The following ZNF536 variants were observed in gnomAD, a reference collection of about 807,000 sequenced individuals.
The protein encoded by ZNF536 is zinc finger protein 536.
In ZNF536, 13 loss-of-function variants were observed where a neutral mutation model predicts 84.5. The observed-to-expected ratio is 0.15, with a 90% CI of 0.10 to 0.24. ZNF536 has a LOEUF of 0.24. ZNF536 is among the 10% of genes least tolerant of loss of function. The pLI, the probability that ZNF536 is intolerant of heterozygous loss-of-function variation, is 1.00. For synonymous variants in ZNF536, 811 were observed against 742.5 expected (o/e 1.09, Z -1.50); for missense variants, 1,536 against 1,747.5 (o/e 0.88, Z 2.16).
At chr19:30,504,038 A>G (rs1386506882) in intron 2 of ZNF536, among the ~76,000 whole-genome samples, 1 of 152,144 alleles carries the variant, frequency 6.6e-6, no homozygotes, top group Non-Finnish European at 1.5e-5. Context: ...TATCCTTAGC[A>G]TAGAGAATTT....
At position 30,629,536 on chromosome 19, in the gene ZNF536, T is replaced by C. The variant is rs560078965; in HGVS notation, c.169+80022T>C. ...AAATTCTTGCAACGGTGCAACGAAGTGGACGTCCTTATTATCTCTTTTGTA... is the reference window on the plus strand; with the variant it reads ...AAATTCTTGCAACGGTGCAACGAAGCGGACGTCCTTATTATCTCTTTTGTA... On this transcript the variant is annotated intron_variant, in intron 1 of 1. Coordinates refer to the ZNF536 transcript ENST00000592773. Among the ~76,000 whole-genome samples the C allele has an allele frequency of 7.9e-4, 120 of 152,344 alleles. No homozygotes were observed. The Middle Eastern group carries it at 0.01, about 13-fold the overall frequency.
At position 30,297,067 on chromosome 19, in the gene ZNF536, G is replaced by A. The variant is rs541461111; in HGVS notation, c.-120+12926G>A. ...GAAGACCCTTCCAGTGGCCAGAACG[G>A]TGCTGCTTCCCCTGTACCTAAAACA... On this transcript the variant is annotated intron_variant, in intron 2 of 5. Transcript: ENST00000585628. Among the ~76,000 whole-genome samples, 3 of 152,314 alleles carry A rather than the reference G, an allele frequency of 2.0e-5. No individual in the cohort carries two copies. The East Asian group carries it at 5.8e-4, about 29-fold the overall frequency.
intron 2 of ZNF536, among the ~76,000 whole-genome samples, chr19:30,323,045 C>A (rs1001404505): frequency 6.6e-6 from 1 of 152,284 alleles, no homozygotes; most frequent in East Asian, 1.9e-4. Flanking sequence ...GACCCTGGGG[C>A]CCTGGAGGCT....
chr19:30,233,744 G>T (rs1357295456), intron 1 of ZNF536, among the ~76,000 whole-genome samples: 2 of 152,196 alleles, frequency 1.3e-5, no homozygotes. Context: ...AATTCAGGAA[G>T]GAAAACTGAG....
intron 1 of ZNF536, among the ~76,000 whole-genome samples, chr19:30,669,136 G>A (rs2060960876): frequency 6.6e-6 from 1 of 152,262 alleles, no homozygotes; most frequent in African/African-American, 2.4e-5. Context: ...GGGACAGCAG[G>A]AGCAATTGTC....
intron 1 of ZNF536, among the ~76,000 whole-genome samples, chr19:30,261,962 C>A (rs1303724961): frequency 6.6e-6 from 1 of 152,104 alleles, no homozygotes; most frequent in Non-Finnish European, 1.5e-5. Flanking sequence ...GAGTCCCACC[C>A]CCTCTTCACA....
intron 2 of ZNF536, among the ~76,000 whole-genome samples, chr19:30,458,219 G>A (rs1003071399): frequency 2.9e-4 from 44 of 152,078 alleles, no homozygotes; most frequent in African/African-American, 1.0e-3. Context: ...TCTGGGCTTT[G>A]GCTTTTTCCT....
At chr19:30,468,447 C>T (rs1337990498) in intron 2 of ZNF536, among the ~76,000 whole-genome samples, 3 of 152,022 alleles carry the variant, frequency 2.0e-5, no homozygotes, top group African/African-American at 4.8e-5. Flanking sequence ...CTGTGTGCCA[C>T]GCCAGGCACA....
At chr19:30,257,516 G>T (rs1353383810) in intron 1 of ZNF536, among the ~76,000 whole-genome samples, 1 of 152,206 alleles carries the variant, frequency 6.6e-6, no homozygotes, top group Non-Finnish European at 1.5e-5. Flanking sequence ...TTGCCAAGAG[G>T]ATGTTTTGCT....
exon 2 of ZNF536, chr19:30,711,405 T>C (rs1357888617): frequency 6.6e-6 from 1 of 152,204 alleles, no homozygotes; most frequent in Non-Finnish European, 1.5e-5. Context: ...GGCTGTGTTT[T>C]CGTTGTTGAA....
chr19:30,371,810 A>ATG (rs2147033492), upstream of ZNF536, among the ~76,000 whole-genome samples: 1 of 151,508 alleles, frequency 6.6e-6, no homozygotes, highest in South Asian at 2.1e-4. Flanking sequence ...GAATATATAT[A>ATG]TATATATGCA....
intron 1 of ZNF536, among the ~76,000 whole-genome samples, chr19:30,614,639 C>A (rs2048217834): frequency 6.6e-6 from 1 of 151,856 alleles, no homozygotes; most frequent in South Asian, 2.1e-4. Context: ...ATTTCTATTT[C>A]TTTCTCTGTG....
At chr19:30,255,704 C>CGGGTCAG (rs1458215460) in intron 1 of ZNF536, among the ~76,000 whole-genome samples, 1 of 152,172 alleles carries the variant, frequency 6.6e-6, no homozygotes, top group Non-Finnish European at 1.5e-5. Flanking sequence ...CTGGAACTGT[C>CGGGTCAG]GGGTCAGGCT....
chr19:30,381,025 C>A (rs568774424), intron 1 of ZNF536, among the ~76,000 whole-genome samples: 2 of 152,166 alleles, frequency 1.3e-5, no homozygotes, highest in South Asian at 4.2e-4. Flanking sequence ...TGCAGGCATG[C>A]ACCACCATAC....
intron 1 of ZNF536, among the ~76,000 whole-genome samples, chr19:30,618,309 T>C (rs1448045460): frequency 1.3e-5 from 2 of 152,182 alleles, no homozygotes; most frequent in African/African-American, 2.4e-5. Context: ...AAATCTTTCC[T>C]TTTTTCTTAG....
chr19:30,274,830 A>G (rs2026039599), intron 1 of ZNF536, among the ~76,000 whole-genome samples: 1 of 152,184 alleles, frequency 6.6e-6, no homozygotes, highest in African/African-American at 2.4e-5. Context: ...ACAACTCTCC[A>G]GTTTCCAGTT....
intron 1 of ZNF536, among the ~76,000 whole-genome samples, chr19:30,701,265 A>C (rs573845099): frequency 2.3e-4 from 35 of 151,866 alleles, no homozygotes; most frequent in African/African-American, 8.5e-4. Flanking sequence ...ACACAAACAC[A>C]CAGACACAGA....
chr19:30,582,865 A>T (rs2046971725), intron 1 of ZNF536, among the ~76,000 whole-genome samples: 1 of 152,182 alleles, frequency 6.6e-6, no homozygotes, highest in South Asian at 2.1e-4. Context: ...ATGATCTCCC[A>T]CTGGGTCCCT....
chr19:30,411,469 C>T (rs77362788), intron 1 of ZNF536, among the ~76,000 whole-genome samples: 2,873 of 152,186 alleles, frequency 0.019, 31 homozygotes, highest in Non-Finnish European at 0.028. Flanking sequence ...AAAAAATTCT[C>T]CTATGATTTC....
Sources: gnomAD v4.1 joint callset for allele counts (sites outside exome capture counted in the v4.1 genomes callset) on GRCh38, gnomAD v4.1.1 for gene constraint, MANE v1.5 for transcripts, NCBI Gene and HGNC (gene_info 2026-07-23, HGNC 2026-07-21) for gene names.